The following HEMK2 variants were observed in gnomAD, a reference collection of about 807,000 sequenced individuals.
The protein encoded by HEMK2 is HemK methyltransferase 2, ETF1 glutamine and histone H4 lysine.
chr21:28,760,370 T>A, the HEMK2 span, among the ~76,000 whole-genome samples: 1 of 152,192 alleles, frequency 6.6e-6, no homozygotes, highest in Non-Finnish European at 1.5e-5. Context: ...ATTTTAGGCT[T>A]TGTGGCACAT....
At chr21:28,585,583 A>C in the HEMK2 span, among the ~76,000 whole-genome samples, 1 of 149,720 alleles carries the variant, frequency 6.7e-6, no homozygotes, top group Non-Finnish European at 1.5e-5. Flanking sequence ...TAAAATTATA[A>C]AACTAAAATT....
At chr21:28,641,424 TA>T in the HEMK2 span, among the ~76,000 whole-genome samples, 5 of 152,094 alleles carry the variant, frequency 3.3e-5, no homozygotes, top group African/African-American at 1.2e-4. Context: ...GCAGAACCTC[TA>T]AAAAATGGGC....
chr21:28,645,209 A>C, the HEMK2 span, among the ~76,000 whole-genome samples: 1 of 152,150 alleles, frequency 6.6e-6, no homozygotes, highest in Non-Finnish European at 1.5e-5. Context: ...TACTAACTGC[A>C]TGCATCCCCA....
chr21:28,754,120 C>T, the HEMK2 span, among the ~76,000 whole-genome samples: 1 of 152,214 alleles, frequency 6.6e-6, no homozygotes, highest in Non-Finnish European at 1.5e-5. Context: ...GTGTAGCTTC[C>T]ATCAGTGTCA....
chr21:28,580,519 T>C, the HEMK2 span, among the ~76,000 whole-genome samples: 4 of 152,042 alleles, frequency 2.6e-5, no homozygotes, highest in East Asian at 7.8e-4. Flanking sequence ...CTCAGCCATT[T>C]TTACCAAGTT....
the HEMK2 span, among the ~76,000 whole-genome samples, chr21:28,729,201 C>G: frequency 2.0e-5 from 3 of 152,214 alleles, no homozygotes; most frequent in African/African-American, 7.2e-5. Context: ...TTGTTCTCCT[C>G]TTCAAGTAAC....
chr21:28,874,293 C>T, the HEMK2 span: 1 of 152,186 alleles, frequency 6.6e-6, no homozygotes, highest in Non-Finnish European at 1.5e-5. Context: ...TAGCAGACAC[C>T]CTGCGCGAAG....
chr21:28,722,104 G>A, the HEMK2 span, among the ~76,000 whole-genome samples: 333 of 151,872 alleles, frequency 2.2e-3, no homozygotes, highest in Admixed American at 4.0e-3. Context: ...TGCAAAAATT[G>A]AGCCACCATG....
At chr21:28,809,568 T>C in the HEMK2 span, among the ~76,000 whole-genome samples, 298 of 152,286 alleles carry the variant, frequency 2.0e-3, 4 homozygotes, top group African/African-American at 7.0e-3. Flanking sequence ...ATTAATGTTC[T>C]TGAGGACAGG....
the HEMK2 span, among the ~76,000 whole-genome samples, chr21:28,625,163 A>G: frequency 6.6e-6 from 1 of 152,222 alleles, no homozygotes; most frequent in African/African-American, 2.4e-5. Context: ...GAAAATGATA[A>G]AAGGAGAGAT....
At chr21:28,720,864 T>A in the HEMK2 span, among the ~76,000 whole-genome samples, 1 of 152,166 alleles carries the variant, frequency 6.6e-6, no homozygotes. Flanking sequence ...TTGTACCTCT[T>A]CTCCATACTT....
chr21:28,659,937 A>G, the HEMK2 span, among the ~76,000 whole-genome samples: 4 of 152,112 alleles, frequency 2.6e-5, no homozygotes, highest in African/African-American at 7.2e-5. Context: ...GAGAATTGAA[A>G]TACTGAAGAG....
the HEMK2 span, among the ~76,000 whole-genome samples, chr21:28,832,162 G>A: frequency 6.6e-6 from 1 of 152,306 alleles, no homozygotes; most frequent in East Asian, 1.9e-4. Context: ...GAGTCACTCT[G>A]CCTTATTATC....
chr21:28,721,975 A>G, the HEMK2 span, among the ~76,000 whole-genome samples: 1 of 151,992 alleles, frequency 6.6e-6, no homozygotes, highest in Non-Finnish European at 1.5e-5. Context: ...CCCATAAAAT[A>G]AAAATTACTT....
the HEMK2 span, among the ~76,000 whole-genome samples, chr21:28,600,753 C>T: frequency 6.6e-6 from 1 of 152,152 alleles, no homozygotes; most frequent in East Asian, 1.9e-4. Context: ...TAACAGCACC[C>T]AAGTCACCTC....
At chr21:28,615,680 T>A in the HEMK2 span, among the ~76,000 whole-genome samples, 2 of 152,178 alleles carry the variant, frequency 1.3e-5, no homozygotes, top group South Asian at 2.1e-4. Flanking sequence ...CTTGTTTAAA[T>A]CTTGTACTGG....
chr21:28,864,923 TAGAC>T, the HEMK2 span, among the ~76,000 whole-genome samples: 10 of 123,742 alleles, frequency 8.1e-5, no homozygotes, highest in South Asian at 2.8e-4. Flanking sequence ...TATAGATAGA[TAGAC>T]AGACAGACAG....
chr21:28,856,385 A>G, the HEMK2 span, among the ~76,000 whole-genome samples: 1 of 152,068 alleles, frequency 6.6e-6, no homozygotes, highest in Non-Finnish European at 1.5e-5. Flanking sequence ...ACTGCACTCC[A>G]GCCTGGATTG....
the HEMK2 span, among the ~76,000 whole-genome samples, chr21:28,632,405 G>T: frequency 1.3e-5 from 2 of 152,168 alleles, no homozygotes; most frequent in African/African-American, 2.4e-5. Context: ...AGTTGTGGCA[G>T]CAAAATTGTA....
Sources: allele counts gnomAD v4.1 joint callset (sites outside exome capture counted in the v4.1 genomes callset), GRCh38; gene constraint gnomAD v4.1.1; transcripts MANE v1.5; gene names NCBI Gene and HGNC (gene_info 2026-07-23, HGNC 2026-07-21).